Variants in ARHGEF26 observed in about 807,000 individuals in gnomAD.
ARHGEF26 encodes Rho guanine nucleotide exchange factor 26, also known as Rho guanine nucleotide exchange factor (GEF) 26.
In ARHGEF26, 59 loss-of-function variants were observed where a neutral mutation model predicts 89.4. The observed-to-expected ratio is 0.66, with a 90% confidence interval of 0.54 to 0.82. ARHGEF26 has a LOEUF of 0.82. Ranked by LOEUF, ARHGEF26 falls within the 40% of genes least tolerant of loss-of-function variation. The pLI, the probability that ARHGEF26 is intolerant of heterozygous loss-of-function variation, is 0.00. For synonymous variants in ARHGEF26, 500 were observed against 428.4 expected, an observed-to-expected ratio of 1.17 and a Z score of -2.06; for missense variants, 1,234 against 1,085.6, an observed-to-expected ratio of 1.14 and a Z score of -1.92.
intron 11 of ARHGEF26, among the ~76,000 whole-genome samples, chr3:154,239,261 GGAGAGAGAGAGAGAGAGAGA>G (rs869046214): frequency 9.5e-6 from 1 of 105,586 alleles, no homozygotes; most frequent in African/African-American, 4.1e-5. Context: ...AGAGAGAGAG[GGAGAGAGAGAGAGAGAGAGA>G]GAGAGAGAGA....
At chr3:154,128,180 C>G (rs1008778765) in intron 3 of ARHGEF26, among the ~76,000 whole-genome samples, 2 of 152,156 alleles carry the variant, frequency 1.3e-5, no homozygotes, top group Non-Finnish European at 2.9e-5. Flanking sequence ...GAGTAAAAAT[C>G]AAAGTCCTTT....
intron 9 of ARHGEF26, among the ~76,000 whole-genome samples, chr3:154,214,507 A>G (rs937483237): frequency 1.3e-5 from 2 of 152,106 alleles, no homozygotes; most frequent in African/African-American, 4.8e-5. Context: ...AGGAAAGTGG[A>G]TGATGCTGAG....
At chr3:154,174,650 G>C (rs866108560) in intron 6 of ARHGEF26, among the ~76,000 whole-genome samples, 3 of 152,114 alleles carry the variant, frequency 2.0e-5, no homozygotes. Flanking sequence ...TTTCCTTCCT[G>C]TTACAGTTAA....
chr3:154,152,716 T>C, intron 5 of ARHGEF26, 56 bp from the exon 6 acceptor site: 1 of 1,281,172 alleles, frequency 7.8e-7, no homozygotes, highest in Non-Finnish European at 1.0e-6. Context: ...ATGAGAGCTA[T>C]ATTTAGTTCT....
At chr3:154,129,123 G>A (rs1415569656) in intron 3 of ARHGEF26, among the ~76,000 whole-genome samples, 1 of 152,058 alleles carries the variant, frequency 6.6e-6, no homozygotes, top group East Asian at 1.9e-4. Context: ...GTGGATGAGG[G>A]CATGAGAGCT....
At chr3:154,205,247 A>AT (rs1196490491) in intron 9 of ARHGEF26, among the ~76,000 whole-genome samples, 2 of 152,024 alleles carry the variant, frequency 1.3e-5, no homozygotes, top group Non-Finnish European at 2.9e-5. Flanking sequence ...CCTCATTATC[A>AT]TTATATAGTG....
At chr3:154,146,127 G>A in intron 4 of ARHGEF26, among the ~76,000 whole-genome samples, 1 of 152,194 alleles carries the variant, frequency 6.6e-6, no homozygotes, top group East Asian at 1.9e-4. Context: ...AGTATTGGAG[G>A]CGGGAAAGTC....
rs1459970876 is a variant in ARHGEF26, at chr3:154,240,598, A to G, written c.2300+19A>G. On this transcript the variant is annotated intron_variant, in intron 12 of 14. Coordinates refer to ENST00000465093, the MANE Select transcript of ARHGEF26 (RefSeq NM_015595.4). ...AGACGCAGTAAGTATATGTGGGGAA[A>G]AGATTGGAATAGCTGATAGTATCTC... 1 of 1,584,516 alleles carries G rather than the reference A, an allele frequency of 6.3e-7. No individual in the cohort carries two copies. The highest frequency in any genetic ancestry group is 1.2e-5 in the South Asian group (1 of 86,520).
At chr3:154,174,814 A>G (rs1339118080) in intron 6 of ARHGEF26, among the ~76,000 whole-genome samples, 1 of 152,192 alleles carries the variant, frequency 6.6e-6, no homozygotes, top group African/African-American at 2.4e-5. Flanking sequence ...ATACATATAC[A>G]TACTCATTTT....
chr3:154,127,813 A>G (rs1718426521), intron 3 of ARHGEF26, among the ~76,000 whole-genome samples: 1 of 152,190 alleles, frequency 6.6e-6, no homozygotes, highest in Non-Finnish European at 1.5e-5. Context: ...AATGTGGTAC[A>G]CTACAACATT....
chr3:154,243,032 C>A (rs569313375), intron 12 of ARHGEF26, among the ~76,000 whole-genome samples: 1 of 152,242 alleles, frequency 6.6e-6, no homozygotes, highest in East Asian at 1.9e-4. Flanking sequence ...CACCCAAGAC[C>A]AGGGTCAAGG....
rs1716459742 is a variant in ARHGEF26 at position 154,225,964 on chromosome 3, T to C, written c.2044T>C (p.Tyr682His). 6.2e-7 allele frequency: 1 copy of C among 1,613,190 alleles called. No individual in the cohort carries two copies. Among genetic ancestry groups the C allele is most frequent in the South Asian group, 1.1e-5 (1 of 90,966 alleles). Reference protein sequence around the residue: ...FSRRTSKQQVYFFLFNDVLII... With the variant: ...FSRRTSKQQVHFFLFNDVLII... ...AAGAAGGACATCCAAACAGCAAGTCTACTTCTTTCTCTTTAACGATGTGCT... is the reference window on the plus strand; with the variant it reads ...AAGAAGGACATCCAAACAGCAAGTCCACTTCTTTCTCTTTAACGATGTGCT... Residue 682 changes from tyrosine (Y) to histidine (H), a missense_variant, in exon 11 of 15, where the codon TAC (tyrosine) becomes CAC (histidine). Transcript: ENST00000465093.
chr3:154,240,529 T>C lies in ARHGEF26; in HGVS notation c.2250T>C (p.Leu750=), dbSNP rs748833454. The change falls in exon 12 of 15, where the codon CTT becomes CTC. Residue 750 remains leucine, a synonymous_variant. Coordinates refer to ENST00000465093, the MANE Select transcript of ARHGEF26 (RefSeq NM_015595.4). ...GTCACCTCTTTACTCTGACAGTCCTTAGTAACCACGCGAATGAGAAAGTGG... is the reference window on the plus strand; with the variant it reads ...GTCACCTCTTTACTCTGACAGTCCTCAGTAACCACGCGAATGAGAAAGTGG... ...SASHLFTLTV[L]SNHANEKVEM... 3.7e-6 allele frequency: 6 copies of C among 1,613,012 alleles called. No individual in the cohort carries two copies. The highest frequency in any genetic ancestry group is 3.3e-5 in the Admixed American group (2 of 59,868).
chr3:154,239,714 G>A (rs1466367007), intron 11 of ARHGEF26, among the ~76,000 whole-genome samples: 8 of 152,086 alleles, frequency 5.3e-5, no homozygotes, highest in African/African-American at 1.7e-4. Flanking sequence ...GCTGAGGAGT[G>A]GAAAAAAGTG....
At chr3:154,211,286 G>A (rs886566832) in intron 9 of ARHGEF26, among the ~76,000 whole-genome samples, 5 of 152,132 alleles carry the variant, frequency 3.3e-5, no homozygotes, top group Admixed American at 6.6e-5. Context: ...ACAGAGTGCT[G>A]TAGGCCTTGG....
rs775828838 is a variant in ARHGEF26 at position 154,129,609 on chromosome 3, G to T, written c.1159G>T (p.Ala387Ser). 11 of 1,611,688 alleles carry T rather than the reference G, an allele frequency of 6.8e-6. No homozygotes were observed. Among genetic ancestry groups the T allele is most frequent in the Middle Eastern group, 1.7e-4 (1 of 6,060 alleles). ...AVLYQNYKEK[A>S]LDIDSDEESE... ...CCTGTATCAAAACTACAAGGAAAAG[G>T]CCCTTGACATTGATTCTGATGAAGA... The change falls in exon 4 of 15, where the codon GCC (alanine) becomes TCC (serine). Residue 387 changes from alanine to serine, a missense_variant. By Grantham distance (99) the Ala-to-Ser change is moderately conservative (BLOSUM62 1). Coordinates refer to ENST00000465093, the MANE Select transcript of ARHGEF26 (RefSeq NM_015595.4).
intron 9 of ARHGEF26, among the ~76,000 whole-genome samples, chr3:154,210,617 C>T (rs1392869988): frequency 6.6e-6 from 1 of 151,778 alleles, no homozygotes; most frequent in African/African-American, 2.4e-5. Flanking sequence ...ACCTGGCCGC[C>T]AATTGCATTT....
At chr3:154,136,160 T>C (rs1000955746) in intron 4 of ARHGEF26, among the ~76,000 whole-genome samples, 1 of 152,202 alleles carries the variant, frequency 6.6e-6, no homozygotes, top group African/African-American at 2.4e-5. Context: ...GGAATGTTTC[T>C]TCAGTTTGCT....
At chr3:154,146,818 T>TA (rs1460001281) in intron 4 of ARHGEF26, among the ~76,000 whole-genome samples, 1 of 152,230 alleles carries the variant, frequency 6.6e-6, no homozygotes, top group Non-Finnish European at 1.5e-5. Flanking sequence ...GATATAGACA[T>TA]ATGTTCATAT....
Sources: gnomAD v4.1 joint callset for allele counts (sites outside exome capture counted in the v4.1 genomes callset) on GRCh38, gnomAD v4.1.1 for gene constraint, MANE v1.5 for transcripts, NCBI Gene and HGNC (gene_info 2026-07-23, HGNC 2026-07-21) for gene names.